SMYD3: variants seen among roughly 807,000 people sequenced by gnomAD.
The protein encoded by SMYD3 is SET and MYND domain containing 3.
SMYD3 carries 36 observed loss-of-function variants against 57.7 expected under a neutral mutation model. The observed-to-expected ratio is 0.62, with a 90% CI of 0.48 to 0.82. The LOEUF (loss-of-function observed/expected upper bound fraction) is 0.82, where lower values mean the gene tolerates loss of function less well. Ranked by LOEUF, SMYD3 falls within the 40% of genes least tolerant of loss-of-function variation. The probability of loss-of-function intolerance (pLI) is 0.00; values close to 1 mark genes in which losing one functional copy is unlikely to be tolerated. For synonymous variants in SMYD3, 211 were observed against 195.0 expected (o/e 1.08, Z -0.68); for missense variants, 515 against 538.8 (o/e 0.96, Z 0.44).
chr1:246,431,565 A>G (rs1469056069), intron 1 of SMYD3, among the ~76,000 whole-genome samples: 1 of 152,080 alleles, frequency 6.6e-6, no homozygotes, highest in Non-Finnish European at 1.5e-5. Context: ...CCCTATCTCT[A>G]CTAAAAATAC....
At chr1:246,015,657 C>T (rs965591376) in intron 5 of SMYD3, among the ~76,000 whole-genome samples, 3 of 152,180 alleles carry the variant, frequency 2.0e-5, no homozygotes, top group Non-Finnish European at 4.4e-5. Flanking sequence ...GAATTTCAAA[C>T]ATGAGGTGCC....
At chr1:246,093,997 T>C (rs2060869054) in intron 5 of SMYD3, among the ~76,000 whole-genome samples, 1 of 152,088 alleles carries the variant, frequency 6.6e-6, no homozygotes, top group South Asian at 2.1e-4. Flanking sequence ...ATATCCCCTA[T>C]GCGGACAGGG....
intron 10 of SMYD3, among the ~76,000 whole-genome samples, chr1:245,843,303 A>C (rs552254381): frequency 6.6e-6 from 1 of 152,264 alleles, no homozygotes; most frequent in African/African-American, 2.4e-5. Flanking sequence ...AGACTTTGGC[A>C]AACTGACAGA....
At position 246,109,299 on chromosome 1, in the gene SMYD3, A is replaced by G. The variant is rs546486550; in HGVS notation, c.532-179362T>C. Among the ~76,000 whole-genome samples the G allele has an allele frequency of 4.7e-4, 72 of 152,340 alleles. 1 individual carries two copies. The highest frequency in any genetic ancestry group is 6.8e-4 in the Non-Finnish European group (46 of 68,022). On this transcript the variant is annotated intron_variant, in intron 5 of 11. Transcript: ENST00000490107. Reference sequence around the variant, plus strand: ...GAAATACTATAATAGCCTTGGAAACAGCTCACATACAATTTTTTTTATAAA... The same window carrying G: ...GAAATACTATAATAGCCTTGGAAACGGCTCACATACAATTTTTTTTATAAA...
intron 1 of SMYD3, among the ~76,000 whole-genome samples, chr1:246,418,019 A>C (rs2067088553): frequency 6.6e-6 from 1 of 152,206 alleles, no homozygotes; most frequent in African/African-American, 2.4e-5. Flanking sequence ...TCATAACCTT[A>C]GCAAGGTGGT....
chr1:245,802,880 T>C (rs1269152048), intron 10 of SMYD3, among the ~76,000 whole-genome samples: 1 of 152,240 alleles, frequency 6.6e-6, no homozygotes, highest in Non-Finnish European at 1.5e-5. Context: ...TTGAGACTTG[T>C]TGAGGGGCTG....
In SMYD3 at chr1:246,207,973, G is replaced by A. The variant is rs117886504; in HGVS notation, c.531+119228C>T. 6.4e-4 allele frequency among the ~76,000 whole-genome samples: 98 copies of A among 152,258 alleles called. No individual in the cohort carries two copies. In the East Asian group the frequency reaches 0.015, roughly 23 times the overall value. Reference sequence around the variant, plus strand: ...TAACCAAGATGTGCAAACTGCCAGAGTAGAAGTAAATCTACATTCTCAAAA... The same window carrying A: ...TAACCAAGATGTGCAAACTGCCAGAATAGAAGTAAATCTACATTCTCAAAA... On this transcript the variant is annotated intron_variant, in intron 5 of 11. Coordinates refer to ENST00000490107, the MANE Select transcript of SMYD3 (RefSeq NM_001167740.2).
intron 1 of SMYD3, among the ~76,000 whole-genome samples, chr1:246,357,614 C>T (rs2148709004): frequency 6.6e-6 from 1 of 152,218 alleles, no homozygotes; most frequent in Non-Finnish European, 1.5e-5. Flanking sequence ...TCTATGAACC[C>T]CCTCTGTAAC....
chr1:246,194,943 T>C (rs1446103174), intron 5 of SMYD3, among the ~76,000 whole-genome samples: 1 of 152,186 alleles, frequency 6.6e-6, no homozygotes, highest in Non-Finnish European at 1.5e-5. Flanking sequence ...CTACAATCCA[T>C]ATACGTGTGT....
intron 5 of SMYD3, among the ~76,000 whole-genome samples, chr1:246,062,334 CA>C (rs1553278449): frequency 2.6e-5 from 4 of 152,148 alleles, no homozygotes; most frequent in East Asian, 3.8e-4. Flanking sequence ...CGAGAAAAAA[CA>C]TCCATCAGGA....
chr1:245,952,439 T>C (rs2057688178), intron 5 of SMYD3, among the ~76,000 whole-genome samples: 1 of 152,080 alleles, frequency 6.6e-6, no homozygotes, highest in Non-Finnish European at 1.5e-5. Context: ...CTGACAAGCA[T>C]AGGAAAAAAA....
intron 5 of SMYD3, among the ~76,000 whole-genome samples, chr1:246,233,464 C>T (rs1244250400): frequency 1.3e-4 from 17 of 135,396 alleles, no homozygotes; most frequent in African/African-American, 2.2e-4. Flanking sequence ...CTGTGATGAA[C>T]ATATACCACA....
rs566595503 is a variant in SMYD3 at position 245,929,358 on chromosome 1, A to G, written c.599+512T>C. Among the ~76,000 whole-genome samples, 292 of 152,360 alleles carry G rather than the reference A, an allele frequency of 1.9e-3. 2 individuals carry two copies. The highest frequency in any genetic ancestry group is 4.4e-3 in the East Asian group (23 of 5,188). On this transcript the variant is annotated intron_variant, in intron 6 of 11. Coordinates refer to ENST00000490107, the MANE Select transcript of SMYD3 (RefSeq NM_001167740.2). ...CTGGGTGTGCCTATAGTGCTTGTGG[A>G]GAGACGGTTTCATAGCTCAGTGGTA... is the stretch of plus-strand genomic sequence containing the variant.
intron 5 of SMYD3, among the ~76,000 whole-genome samples, chr1:245,987,275 AC>A (rs1202296293): frequency 6.6e-6 from 1 of 152,188 alleles, no homozygotes; most frequent in African/African-American, 2.4e-5. Flanking sequence ...GACGTTTAAT[AC>A]CCAGAGGATA....
chr1:246,180,468 G>A (rs1170187531), intron 5 of SMYD3, among the ~76,000 whole-genome samples: 1 of 149,970 alleles, frequency 6.7e-6, no homozygotes, highest in East Asian at 2.0e-4. Context: ...TAAAACTCAG[G>A]AGGGTTAGGC....
At chr1:246,484,885 T>C (rs71533483) in intron 1 of SMYD3, among the ~76,000 whole-genome samples, 31,725 of 53,206 alleles carry the variant, frequency 0.6, 10,304 homozygotes, top group Admixed American at 0.76. Flanking sequence ...AACACATCAC[T>C]TCAACCAAAA....
chr1:245,876,908 T>C (rs1182073275), intron 8 of SMYD3, among the ~76,000 whole-genome samples: 1 of 151,850 alleles, frequency 6.6e-6, no homozygotes, highest in Non-Finnish European at 1.5e-5. Flanking sequence ...GAGAAGAGGA[T>C]GCATGAGTGC....
At chr1:245,870,035 C>T (rs965246543) in intron 8 of SMYD3, among the ~76,000 whole-genome samples, 1 of 152,126 alleles carries the variant, frequency 6.6e-6, no homozygotes, top group Non-Finnish European at 1.5e-5. Flanking sequence ...CCTGAGGGAC[C>T]GTGACCTCAT....
At chr1:246,083,850 T>G (rs1049301769) in intron 5 of SMYD3, among the ~76,000 whole-genome samples, 2 of 152,192 alleles carry the variant, frequency 1.3e-5, no homozygotes, top group African/African-American at 2.4e-5. Context: ...GGTCACAATT[T>G]GTATTTGCTC....
Sources: allele counts gnomAD v4.1 joint callset (sites outside exome capture counted in the v4.1 genomes callset), GRCh38; gene constraint gnomAD v4.1.1; transcripts MANE v1.5; gene names NCBI Gene and HGNC (gene_info 2026-07-23, HGNC 2026-07-21).